PHYKPL: variants seen among roughly 807,000 people sequenced by gnomAD.
PHYKPL encodes 5-phosphohydroxy-L-lysine phospho-lyase.
Under a neutral mutation model 51.3 loss-of-function variants are expected in PHYKPL, and 42 were observed. That is an observed-to-expected ratio of 0.82 (90% confidence interval 0.64 to 1.06). The LOEUF (loss-of-function observed/expected upper bound fraction) is 1.06. Ranked by LOEUF, PHYKPL falls within the 50% of genes least tolerant of loss-of-function variation. The pLI, the probability that PHYKPL is intolerant of heterozygous loss-of-function variation, is 0.00. For synonymous variants in PHYKPL, 264 were observed against 236.0 expected (o/e 1.12, Z -1.09); for missense variants, 655 against 586.6 (o/e 1.12, Z -1.20).
intron 1 of PHYKPL, chr5:178,231,996 C>G: frequency 8.3e-7 from 1 of 1,205,214 alleles, no homozygotes; most frequent in South Asian, 1.5e-5. Context: ...GAGGCGACCT[C>G]ACCCACCGTC....
chr5:178,225,498 C>T, intron 3 of PHYKPL, 69 bp from the exon 4 acceptor site: 1 of 1,465,572 alleles, frequency 6.8e-7, no homozygotes, highest in Non-Finnish European at 9.5e-7. Flanking sequence ...ATGCTGAGGG[C>T]AGGAGGACCC....
chr5:178,225,665 G>A (rs1762141833), intron 3 of PHYKPL: 1 of 547,966 alleles, frequency 1.8e-6, no homozygotes, highest in African/African-American at 1.9e-5. Flanking sequence ...ATTCTCGTAT[G>A]TGTCATGAAA....
At chr5:178,207,384 A>G (rs979327614), downstream of PHYKPL, among the ~76,000 whole-genome samples, 1 of 152,184 alleles carries the variant, frequency 6.6e-6, no homozygotes, top group African/African-American at 2.4e-5. Flanking sequence ...CAGTGTTCCA[A>G]TCCTTGAAAG....
At chr5:178,231,622 G>A (rs749946508) in intron 1 of PHYKPL, 99 bp from the exon 2 acceptor site, 15 of 1,590,168 alleles carry the variant, frequency 9.4e-6, no homozygotes, top group Non-Finnish European at 1.2e-5. Context: ...AGTTTCTGGT[G>A]GCGGGGGGGA....
chr5:178,222,365 T>C lies in PHYKPL; in HGVS notation c.917A>G (p.Tyr306Cys). 1 of 1,611,684 alleles carries C rather than the reference T, an allele frequency of 6.2e-7. No homozygotes were observed. Among genetic ancestry groups the C allele is most frequent in the South Asian group, 1.1e-5 (1 of 91,004 alleles). ...AGAGCCATCACTCACCGTGTTGAAG[T>C]ACTCAACGCCGGTGGCTTCAAATGC... is the stretch of plus-strand genomic sequence containing the variant. ...ARAFEATGVE[Y>C]FNTFGGSPVS... The change falls in exon 8 of 13, where the codon TAC becomes TGC. Residue 306 changes from tyrosine to cysteine, a missense_variant. Coordinates refer to ENST00000308158, the MANE Select transcript of PHYKPL (RefSeq NM_153373.4).
At position 178,222,421 on chromosome 5, in the gene PHYKPL, G is replaced by A. The variant is rs1266208223; in HGVS notation, c.861C>T (p.Ala287=). 1 of 1,614,242 alleles carries A rather than the reference G, an allele frequency of 6.2e-7. No individual in the cohort carries two copies. The highest frequency in any genetic ancestry group is 8.5e-7 in the Non-Finnish European group (1 of 1,180,042). The change falls in exon 8 of 13, where the codon GCC becomes GCT. Residue 287 remains alanine, a synonymous_variant. Coordinates refer to ENST00000308158, the MANE Select transcript of PHYKPL (RefSeq NM_153373.4). Reference sequence around the variant, plus strand: ...CCACAGGCTGGGTTGCGGCCACGCAGGCAACAGGGTGGCCGTTGCCAATGG... The same window carrying A: ...CCACAGGCTGGGTTGCGGCCACGCAAGCAACAGGGTGGCCGTTGCCAATGG... ...GKSIGNGHPV[A]CVAATQPVAR... is the part of the protein sequence containing the mutation.
At chr5:178,216,566 G>A (rs1181606892) in intron 8 of PHYKPL, 1 of 152,164 alleles carries the variant, frequency 6.6e-6, no homozygotes, top group South Asian at 2.1e-4. Context: ...GGAGGGAGGA[G>A]AATATGATTT....
rs749404147 is a variant in PHYKPL, at chr5:178,213,050, A to G, written c.1226T>C (p.Leu409Pro). The G allele has an allele frequency of 1.9e-6, 3 of 1,614,240 alleles. No homozygotes were observed. The South Asian group carries it at 3.3e-5, about 18-fold the overall frequency. ...LSTDGPGRNI[L>P]KFKPPMCFSL... ...GAAGCACATTGGGGGCTTAAACTTC[A>G]GGATGTTCCTCCCAGGGCCATCAGT... Residue 409 changes from leucine (L) to proline (P), a missense_variant, in exon 11 of 13, where the codon CTG (leucine) becomes CCG (proline). By Grantham distance (98) the Leu-to-Pro change is moderately conservative. Coordinates refer to ENST00000308158, the MANE Select transcript of PHYKPL (RefSeq NM_153373.4).
At chr5:178,226,921 A>T (rs1762402454) in intron 3 of PHYKPL, among the ~76,000 whole-genome samples, 1 of 152,010 alleles carries the variant, frequency 6.6e-6, no homozygotes, top group Non-Finnish European at 1.5e-5. Flanking sequence ...CTGTGTATTT[A>T]TATATATATG....
chr5:178,232,518 C>T lies in PHYKPL; in HGVS notation c.33G>A (p.Thr11=). The T allele has an allele frequency of 3.8e-6, 5 of 1,332,566 alleles. No homozygotes were observed. The highest frequency in any genetic ancestry group is 4.8e-6 in the Non-Finnish European group (5 of 1,049,324). 82.5% of individuals were successfully genotyped at this position (1,332,566 alleles called of 1,614,324 possible). A position where few individuals can be genotyped will look rare whatever the true frequency, so the allele number is the denominator to read the frequency against. The part of the protein sequence containing the change: MAADQRPKAD[T]LALRQRLISS... ...TGATGAGCCGTTGCCTCAGGGCCAG[C>T]GTGTCGGCCTTCGGGCGCTGGTCTG... The change falls in exon 1 of 13, where the codon ACG becomes ACA. Residue 11 remains threonine (T), a synonymous_variant. Transcript: ENST00000308158.
Position 178,232,471 on chromosome 5 carries a change from GCCCGCCC to G in PHYKPL, c.59+14_59+20del. On this transcript the variant is annotated intron_variant, in intron 1 of 12. Transcript: ENST00000308158. ...TCCGCGCAGCCCCGCGCCCCCCGCC[GCCCGCCC>G]CCCGCCCGGGTACCTGATGAGCCGT... 8.2e-7 allele frequency: 1 copy of G among 1,219,516 alleles called. No homozygotes were observed. Among genetic ancestry groups the G allele is most frequent in the South Asian group, 1.9e-5 (1 of 52,800 alleles). The allele number at this position is 1,219,516 out of a possible 1,614,324, so 75.5% of individuals were successfully genotyped here.
At chr5:178,232,271 G>T in intron 1 of PHYKPL, 19 of 1,237,690 alleles carry the variant, frequency 1.5e-5, no homozygotes, top group Non-Finnish European at 1.9e-5. Context: ...CGGCGCTGTC[G>T]GGGAGGCGGC....
At chr5:178,231,766 T>C (rs1236337691) in intron 1 of PHYKPL, 21 of 1,477,666 alleles carry the variant, frequency 1.4e-5, no homozygotes, top group Non-Finnish European at 1.9e-5. Flanking sequence ...TTTCAGCCTC[T>C]GTGGCCTCCT....
chr5:178,224,090 C>T (rs771693577), intron 6 of PHYKPL: 3 of 235,548 alleles, frequency 1.3e-5, no homozygotes, highest in Non-Finnish European at 2.5e-5. Flanking sequence ...CCTGCCTCTC[C>T]AGGATCAGCT....
chr5:178,229,825 G>C, intron 3 of PHYKPL, 115 bp downstream of exon 3: 1 of 1,346,630 alleles, frequency 7.4e-7, no homozygotes, highest in Non-Finnish European at 1.0e-6. Context: ...CTGGTGCAGT[G>C]GGGGCTGCCT....
chr5:178,224,771 C>G, intron 4 of PHYKPL, 42 bp from the exon 5 acceptor site: 1 of 1,516,600 alleles, frequency 6.6e-7, no homozygotes, highest in South Asian at 1.2e-5. Context: ...CCGGGCAGCA[C>G]CTACTCCCTG....
chr5:178,209,214 G>T (rs1263956414), intron 12 of PHYKPL: 2 of 863,378 alleles, frequency 2.3e-6, no homozygotes, highest in Non-Finnish European at 3.9e-6. Context: ...AGCATATTTT[G>T]TTTCTCAGCA....
At position 178,213,056 on chromosome 5, in the gene PHYKPL, TTCC is replaced by T; in HGVS notation, c.1217_1219del (p.Arg406del). 1.2e-6 allele frequency: 2 copies of T among 1,614,210 alleles called. No homozygotes were observed. Among genetic ancestry groups the T allele is most frequent in the Non-Finnish European group, 1.7e-6 (2 of 1,180,020 alleles). On this transcript the variant is annotated inframe_deletion, in exon 11 of 13. Transcript: ENST00000308158. ...CATTGGGGGCTTAAACTTCAGGATG[TTCC>T]TCCCAGGGCCATCAGTGCTCAGCAA...
intron 12 of PHYKPL, chr5:178,210,135 A>G: frequency 1.2e-6 from 2 of 1,614,100 alleles, no homozygotes; most frequent in African/African-American, 1.3e-5. Context: ...CCCACAGGTC[A>G]GAGTCAGAGT....
Sources: gnomAD v4.1 joint callset for allele counts (sites outside exome capture counted in the v4.1 genomes callset) on GRCh38, gnomAD v4.1.1 for gene constraint, MANE v1.5 for transcripts, NCBI Gene and HGNC (gene_info 2026-07-23, HGNC 2026-07-21) for gene names.